Variants in NCAPD2 observed in about 807,000 individuals in gnomAD.
NCAPD2 encodes the protein non-SMC condensin I complex subunit D2.
NCAPD2 carries 100 observed loss-of-function variants against 164.5 expected under a neutral mutation model. The ratio of observed to expected loss-of-function variants is 0.61; its 90% CI spans 0.52 to 0.72. NCAPD2 has a LOEUF of 0.72. Ranked by LOEUF, NCAPD2 falls within the 30% of genes least tolerant of loss-of-function variation. The probability of loss-of-function intolerance (pLI) is 0.00; values close to 1 mark genes in which losing one functional copy is unlikely to be tolerated. For missense variants in NCAPD2, 1,560 were observed against 1,749.2 expected, an observed-to-expected ratio of 0.89 and a Z score of 1.93; for synonymous variants, 585 against 642.6, an observed-to-expected ratio of 0.91 and a Z score of 1.36.
intron 7 of NCAPD2, 23 bp from the exon 8 acceptor site, chr12:6,514,441 T>C: frequency 6.2e-7 from 1 of 1,614,142 alleles, no homozygotes; most frequent in Non-Finnish European, 8.5e-7. Flanking sequence ...GCCCATAATT[T>C]CTCATGTTTA....
chr12:6,508,147 C>T (rs1946113667), intron 2 of NCAPD2, among the ~76,000 whole-genome samples: 1 of 151,994 alleles, frequency 6.6e-6, no homozygotes, highest in African/African-American at 2.4e-5. Context: ...ATGGTGCAAC[C>T]CCGTCTCTAC....
intron 9 of NCAPD2, among the ~76,000 whole-genome samples, chr12:6,516,434 A>G (rs975239159): frequency 1.3e-5 from 2 of 150,802 alleles, no homozygotes; most frequent in Non-Finnish European, 3.0e-5. Flanking sequence ...CCCGGGAGTC[A>G]GAGGTTGCAG....
chr12:6,527,499 TTGTC>T (rs959445720), intron 22 of NCAPD2, among the ~76,000 whole-genome samples: 3 of 152,196 alleles, frequency 2.0e-5, no homozygotes, highest in Non-Finnish European at 4.4e-5. Flanking sequence ...CTTTGAACCA[TTGTC>T]TGGCGTGATC....
Position 6,509,741 on chromosome 12 carries a change from A to G in NCAPD2, c.152A>G (p.Gln51Arg), listed in dbSNP as rs760900534. 3 of 1,613,994 alleles carry G rather than the reference A, an allele frequency of 1.9e-6. No homozygotes were observed. Among genetic ancestry groups the G allele is most frequent in the South Asian group, 2.2e-5 (2 of 91,080 alleles). ...LRAFQAAFRA[Q>R]GPLAMLQHFD... ...GCTTTTCAGGCTGCCTTTCGAGCTC[A>G]GGGGCCCCTGGCTATGCTGCAGCAC... Residue 51 changes from glutamine (Q) to arginine (R), a missense_variant, in exon 3 of 32, where the codon CAG becomes CGG. Gln to Arg is a conservative substitution (Grantham distance 43, BLOSUM62 1). Transcript: ENST00000315579.
chr12:6,503,335 C>T (rs952041288), intron 2 of NCAPD2, among the ~76,000 whole-genome samples: 3 of 152,016 alleles, frequency 2.0e-5, no homozygotes, highest in Non-Finnish European at 4.4e-5. Context: ...TTTATTGGCT[C>T]ACATTTTTTT....
At chr12:6,511,351 G>A (rs1178085660) in intron 6 of NCAPD2, 99 bp downstream of exon 6, 2 of 1,376,824 alleles carry the variant, frequency 1.5e-6, no homozygotes, top group Admixed American at 2.2e-5. Context: ...TTTTGTGGGG[G>A]GACAGAGCTT....
At chr12:6,520,876 C>A (rs527667003) in intron 13 of NCAPD2, 110 bp from the exon 14 acceptor site, 4 of 1,465,886 alleles carry the variant, frequency 2.7e-6, no homozygotes, top group Admixed American at 4.1e-5. Context: ...TTAAGTGCTC[C>A]TTTTCTCTGG....
At chr12:6,513,747 G>A (rs80027756) in intron 6 of NCAPD2, among the ~76,000 whole-genome samples, 2 of 39,796 alleles carry the variant, frequency 5.0e-5, no homozygotes, top group African/African-American at 1.0e-4. Context: ...ATGGAGTCTC[G>A]CAATGTCGCC....
In NCAPD2 at chr12:6,530,791, C is replaced by T. The variant is rs1946364105; in HGVS notation, c.3938C>T (p.Ala1313Val). ...LEIGQAGSQR[A>V]PSAKKPSTGS... ...ATTGGCCAAGCAGGTAGCCAGAGAG[C>T]GCCATCAGCCAAGAAACCATCCACT... The change falls in exon 30 of 32, where the codon GCG (alanine) becomes GTG (valine). Residue 1313 changes from alanine (A) to valine (V), a missense_variant. By Grantham distance (64) the Ala-to-Val change is moderately conservative. Coordinates refer to ENST00000315579, the MANE Select transcript of NCAPD2 (RefSeq NM_014865.4). 8 of 1,614,034 alleles carry T rather than the reference C, an allele frequency of 5.0e-6. No homozygotes were observed. The highest frequency in any genetic ancestry group is 3.3e-5 in the Admixed American group (2 of 59,998).
At chr12:6,527,701 A>G in intron 22 of NCAPD2, 76 bp from the exon 23 acceptor site, 1 of 1,370,414 alleles carries the variant, frequency 7.3e-7, no homozygotes, top group African/African-American at 1.4e-5. Flanking sequence ...CACTTTGTTC[A>G]TGCAAAACAA....
chr12:6,529,149 G>T, intron 27 of NCAPD2, 110 bp downstream of exon 27: 1 of 944,448 alleles, frequency 1.1e-6, no homozygotes, highest in Non-Finnish European at 1.6e-6. Context: ...TACAGCCTTC[G>T]GCAATAACTT....
intron 3 of NCAPD2, 85 bp from the exon 4 acceptor site, chr12:6,509,990 C>A: frequency 6.9e-7 from 1 of 1,439,454 alleles, no homozygotes; most frequent in Non-Finnish European, 9.7e-7. Context: ...TTTAAACATT[C>A]GATTCCACGG....
At chr12:6,524,912 T>C (rs902649589) in intron 17 of NCAPD2, among the ~76,000 whole-genome samples, 1 of 152,136 alleles carries the variant, frequency 6.6e-6, no homozygotes, top group African/African-American at 2.4e-5. Flanking sequence ...GTGGTGGTGA[T>C]TGGCCATGAT....
In NCAPD2 at chr12:6,527,862, G is replaced by C. The variant is rs766445226; in HGVS notation, c.2993G>C (p.Gly998Ala). 5.0e-6 allele frequency: 8 copies of C among 1,613,750 alleles called. No homozygotes were observed. Among genetic ancestry groups the C allele is most frequent in the Non-Finnish European group, 5.1e-6 (6 of 1,179,628 alleles). The change falls in exon 23 of 32, where the codon GGC becomes GCC. Residue 998 changes from glycine (G) to alanine (A), a missense_variant. Physicochemically the swap from Gly to Ala is moderately conservative, Grantham distance 60. Coordinates refer to ENST00000315579, the MANE Select transcript of NCAPD2 (RefSeq NM_014865.4). The part of the protein sequence containing the change: ...ADDTEAELIR[G>A]ICEMELLDGK... ...GACACAGAGGCAGAACTAATCCGTGGCATCTGCGAGATGGAACTGTTGGAT... is the reference window on the plus strand; with the variant it reads ...GACACAGAGGCAGAACTAATCCGTGCCATCTGCGAGATGGAACTGTTGGAT...
At chr12:6,530,106 G>C (rs1388568059) in intron 29 of NCAPD2, 148 bp downstream of exon 29, 5 of 751,992 alleles carry the variant, frequency 6.6e-6, no homozygotes, top group Non-Finnish European at 1.0e-5. Context: ...AGTGACCTAA[G>C]ACCAGATCTT....
chr12:6,530,023 T>C, intron 29 of NCAPD2, 65 bp downstream of exon 29: 1 of 1,538,178 alleles, frequency 6.5e-7, no homozygotes, highest in Non-Finnish European at 8.8e-7. Context: ...CTGCCGGCCC[T>C]GGGCAGCATA....
At chr12:6,522,275 A>G (rs1271111373) in intron 15 of NCAPD2, among the ~76,000 whole-genome samples, 3 of 151,682 alleles carry the variant, frequency 2.0e-5, no homozygotes, top group Non-Finnish European at 2.9e-5. Flanking sequence ...TGATATATCT[A>G]TCTGCTCCTT....
intron 9 of NCAPD2, 23 bp from the exon 10 acceptor site, chr12:6,516,805 C>A (rs1946205597): frequency 1.2e-6 from 2 of 1,610,644 alleles, no homozygotes; most frequent in Admixed American, 1.7e-5. Context: ...AAGGTTTGAC[C>A]CCTCTATGCT....
chr12:6,514,360 G>C lies in NCAPD2; in HGVS notation c.683G>C (p.Gly228Ala), dbSNP rs748161516. The part of the protein sequence containing the change: ...PTREAITHLL[G>A]VALTRYNHML... ...CGGGAAGCCATAACACACCTGCTTG[G>C]TGTAGCCTTGACCCGTTATAACCAT... The change falls in exon 7 of 32, where the codon GGT (glycine) becomes GCT (alanine). Residue 228 changes from glycine (G) to alanine (A), a missense_variant. By Grantham distance (60) the Gly-to-Ala change is moderately conservative (BLOSUM62 0). Coordinates refer to ENST00000315579, the MANE Select transcript of NCAPD2 (RefSeq NM_014865.4). 1.3e-5 allele frequency: 21 copies of C among 1,614,072 alleles called. No individual in the cohort carries two copies. In the Admixed American group the frequency reaches 2.8e-4, roughly 22 times the overall value.
Sources: allele counts gnomAD v4.1 joint callset (sites outside exome capture counted in the v4.1 genomes callset), GRCh38; gene constraint gnomAD v4.1.1; transcripts MANE v1.5; gene names NCBI Gene and HGNC (gene_info 2026-07-23, HGNC 2026-07-21).